Variants in SRPK2 observed in about 807,000 individuals in gnomAD.
The protein encoded by SRPK2 is SFRS protein kinase 2.
In SRPK2, 21 loss-of-function variants were observed where a neutral mutation model predicts 90.8. The observed-to-expected ratio is 0.23, with a 90% CI of 0.16 to 0.33. The LOEUF (loss-of-function observed/expected upper bound fraction) is 0.33, where lower values mean the gene tolerates loss of function less well. Ranked by LOEUF, SRPK2 falls within the 10% of genes least tolerant of loss-of-function variation. The pLI, the probability that SRPK2 is intolerant of heterozygous loss-of-function variation, is 1.00. For synonymous variants in SRPK2, 288 were observed against 311.1 expected, an observed-to-expected ratio of 0.93 and a Z score of 0.78; for missense variants, 620 against 869.0, an observed-to-expected ratio of 0.71 and a Z score of 3.60.
At chr7:105,217,050 A>G (rs1277488007) in intron 2 of SRPK2, among the ~76,000 whole-genome samples, 2 of 152,210 alleles carry the variant, frequency 1.3e-5, no homozygotes, top group African/African-American at 4.8e-5. Context: ...GCTGTGACCA[A>G]TAAATACACC....
intron 2 of SRPK2, among the ~76,000 whole-genome samples, chr7:105,257,507 T>C (rs926016966): frequency 2.0e-5 from 3 of 152,332 alleles, no homozygotes; most frequent in East Asian, 1.9e-4. Flanking sequence ...GAGGAAGTTA[T>C]TCCTTTTCCG....
chr7:105,338,950 A>C (rs1029739526), intron 2 of SRPK2, among the ~76,000 whole-genome samples: 6 of 152,182 alleles, frequency 3.9e-5, no homozygotes, highest in African/African-American at 1.4e-4. Flanking sequence ...AAATACCATA[A>C]TACTACACAA....
chr7:105,296,322 T>C (rs1171987253), intron 2 of SRPK2, among the ~76,000 whole-genome samples: 1 of 152,216 alleles, frequency 6.6e-6, no homozygotes, highest in Non-Finnish European at 1.5e-5. Context: ...GTCCTCTTAA[T>C]TTACCAACTT....
chr7:105,293,255 C>A (rs1809306953), intron 2 of SRPK2, among the ~76,000 whole-genome samples: 1 of 151,126 alleles, frequency 6.6e-6, no homozygotes, highest in Non-Finnish European at 1.5e-5. Context: ...CGCACCACTG[C>A]ATGAGTGAAA....
At chr7:105,344,699 T>C (rs751564348) in intron 2 of SRPK2, among the ~76,000 whole-genome samples, 5 of 152,096 alleles carry the variant, frequency 3.3e-5, no homozygotes, top group Admixed American at 3.3e-4. Flanking sequence ...ACTTAAAGAT[T>C]TGACTATACA....
At chr7:105,126,825 C>T (rs769994103) in intron 14 of SRPK2, among the ~76,000 whole-genome samples, 168 bp downstream of exon 14, 1 of 152,312 alleles carries the variant, frequency 6.6e-6, no homozygotes, top group East Asian at 1.9e-4. Flanking sequence ...CAGGCTCTGC[C>T]CATTCACTGA....
At chr7:105,397,284 G>A (rs2132925351) in intron 1 of SRPK2, among the ~76,000 whole-genome samples, 1 of 151,374 alleles carries the variant, frequency 6.6e-6, no homozygotes, top group South Asian at 2.1e-4. Context: ...CGAAAGTGCT[G>A]GGATTAAAGG....
At chr7:105,139,887 C>G (rs1803446954) in intron 11 of SRPK2, among the ~76,000 whole-genome samples, 1 of 151,852 alleles carries the variant, frequency 6.6e-6, no homozygotes, top group Non-Finnish European at 1.5e-5. Flanking sequence ...GGGGTTTAAT[C>G]TGATATGCAG....
chr7:105,388,944 T>C (rs1678223712), upstream of SRPK2: 3 of 1,173,294 alleles, frequency 2.6e-6, no homozygotes, highest in Non-Finnish European at 3.1e-6. Flanking sequence ...CCGCCGCCGC[T>C]CCAGCAGGGA....
chr7:105,395,552 A>C (rs967531329), intron 1 of SRPK2, among the ~76,000 whole-genome samples: 3 of 152,110 alleles, frequency 2.0e-5, no homozygotes, highest in Non-Finnish European at 4.4e-5. Flanking sequence ...CAACATGGTG[A>C]AACCCCGTCT....
rs575561958 is a variant in SRPK2 at position 105,348,788 on chromosome 7, A to AT, written c.71+39859dup. 9.6e-4 allele frequency among the ~76,000 whole-genome samples: 146 copies of AT among 152,236 alleles called. 1 individual carries two copies. Among genetic ancestry groups the AT allele is most frequent in the African/African-American group, 3.4e-3 (142 of 41,558 alleles). On this transcript the variant is annotated intron_variant, in intron 2 of 15. Transcript: ENST00000393651. Reference sequence around the variant, plus strand: ...CAGATGATACACTTTAAAAAAAAAAATTTATCTAAAGAAAGTTATCATTCA... The same window carrying AT: ...CAGATGATACACTTTAAAAAAAAAAATTTTATCTAAAGAAAGTTATCATTCA...
At chr7:105,171,886 T>C (rs1486021734) in intron 3 of SRPK2, among the ~76,000 whole-genome samples, 2 of 151,166 alleles carry the variant, frequency 1.3e-5, no homozygotes, top group Admixed American at 1.3e-4. Flanking sequence ...ATAATACAGT[T>C]ATTTATTTAT....
At chr7:105,344,189 C>T (rs10240574) in intron 2 of SRPK2, among the ~76,000 whole-genome samples, 25,395 of 152,096 alleles carry the variant, frequency 0.17, 2,798 homozygotes, top group East Asian at 0.58. Flanking sequence ...TGGTCTCTCT[C>T]AAAAACACTC....
At chr7:105,386,325 A>C (rs1409647731) in intron 2 of SRPK2, among the ~76,000 whole-genome samples, 2 of 134,592 alleles carry the variant, frequency 1.5e-5, no homozygotes, top group Non-Finnish European at 3.2e-5. Flanking sequence ...AAAAAAAAAA[A>C]AAAACAACCT....
intron 2 of SRPK2, among the ~76,000 whole-genome samples, chr7:105,354,655 G>A (rs953828327): frequency 6.6e-6 from 1 of 152,136 alleles, no homozygotes; most frequent in Non-Finnish European, 1.5e-5. Context: ...TCCAGCCCTG[G>A]TCTCTACCTG....
At chr7:105,394,145 C>CTT (rs746514839), upstream of SRPK2, among the ~76,000 whole-genome samples, 6 of 139,948 alleles carry the variant, frequency 4.3e-5, no homozygotes, top group African/African-American at 7.8e-5. Flanking sequence ...TTCTTTCTTT[C>CTT]TTTTTTTTTT....
chr7:105,336,484 T>C (rs181547133), intron 2 of SRPK2, among the ~76,000 whole-genome samples: 10 of 152,324 alleles, frequency 6.6e-5, no homozygotes, highest in East Asian at 1.9e-4. Flanking sequence ...TTTCAGAATA[T>C]TGGAGTTATA....
intron 2 of SRPK2, among the ~76,000 whole-genome samples, chr7:105,362,149 A>G (rs543613324): frequency 6.6e-6 from 1 of 152,316 alleles, no homozygotes; most frequent in South Asian, 2.1e-4. Flanking sequence ...AAACAACCCC[A>G]TCAAAAAGTG....
At chr7:105,343,942 T>C (rs1816140206) in intron 2 of SRPK2, among the ~76,000 whole-genome samples, 1 of 152,072 alleles carries the variant, frequency 6.6e-6, no homozygotes, top group African/African-American at 2.4e-5. Context: ...TTTGTATTAT[T>C]AATAGAGACG....
Sources: gnomAD v4.1 joint callset for allele counts (sites outside exome capture counted in the v4.1 genomes callset) on GRCh38, gnomAD v4.1.1 for gene constraint, MANE v1.5 for transcripts, NCBI Gene and HGNC (gene_info 2026-07-23, HGNC 2026-07-21) for gene names.